ARPP19: variants seen among roughly 807,000 people sequenced by gnomAD.
The protein encoded by ARPP19 is cAMP regulated phosphoprotein 19, also known as cAMP-regulated phosphoprotein 19.
In ARPP19, 8 loss-of-function variants were observed where a neutral mutation model predicts 12.0. That is an observed-to-expected ratio of 0.67 (90% CI 0.39 to 1.21). The LOEUF (loss-of-function observed/expected upper bound fraction) is 1.21. Among genes scored for constraint, ARPP19 ranks in the 50% most tolerant of loss-of-function variants. ARPP19 has a pLI of 0.01. For synonymous variants in ARPP19, 47 were observed against 50.4 expected (o/e 0.93, Z 0.29); for missense variants, 102 against 136.3 (o/e 0.75, Z 1.25).
Position 52,550,279 on chromosome 15 carries a change from G to T in ARPP19, c.*1655C>A, listed in dbSNP as rs2077916917. On this transcript the variant is annotated 3_prime_UTR_variant, in exon 3 of 3. Transcript: ENST00000249822. Reference sequence around the variant, plus strand: ...ATAAGCCACAAGTAAAACTAAATTGGTATTTTACTAAAGTGACATCTACAG... The same window carrying T: ...ATAAGCCACAAGTAAAACTAAATTGTTATTTTACTAAAGTGACATCTACAG... 1 of 152,090 alleles carries T rather than the reference G, an allele frequency of 6.6e-6. No individual in the cohort carries two copies. The highest frequency in any genetic ancestry group is 2.4e-5 in the African/African-American group (1 of 41,396). 9.4% of individuals were successfully genotyped at this position (152,090 alleles called of 1,614,324 possible).
intron 2 of ARPP19, among the ~76,000 whole-genome samples, chr15:52,553,327 T>C (rs1348221434): frequency 6.6e-6 from 1 of 152,178 alleles, no homozygotes. Context: ...CAGAGAGACA[T>C]GAAGTATGAC....
chr15:52,569,404 C>G (rs1378757867), upstream of ARPP19, among the ~76,000 whole-genome samples: 2 of 152,226 alleles, frequency 1.3e-5, no homozygotes, highest in Non-Finnish European at 2.9e-5. Flanking sequence ...AAGTCTTGCT[C>G]CACTCTGCCA....
intron 2 of ARPP19, among the ~76,000 whole-genome samples, chr15:52,552,887 G>T (rs1006281369): frequency 3.3e-5 from 5 of 152,110 alleles, no homozygotes; most frequent in African/African-American, 1.2e-4. Context: ...AACCAGAACG[G>T]CCAATATGGT....
At chr15:52,562,669 C>T (rs2078045172) in intron 1 of ARPP19, among the ~76,000 whole-genome samples, 2 of 151,930 alleles carry the variant, frequency 1.3e-5, no homozygotes, top group Non-Finnish European at 1.5e-5. Context: ...CATACCAAAA[C>T]TTGTCAGGTA....
chr15:52,551,574 T>C lies in ARPP19; in HGVS notation c.*360A>G, dbSNP rs2077931518. The C allele has an allele frequency of 6.0e-6, 1 of 165,970 alleles. No individual in the cohort carries two copies. The highest frequency in any genetic ancestry group is 1.3e-5 in the Non-Finnish European group (1 of 76,832). The allele number at this position is 165,970 out of a possible 1,614,324, so 10.3% of individuals were successfully genotyped here. A position where few individuals can be genotyped will look rare whatever the true frequency, so the allele number is the denominator to read the frequency against. ...AGAAATCAATACAATAGAGATTATA[T>C]TAAATAAGAGTAACATACAAAGCTA... On this transcript the variant is annotated 3_prime_UTR_variant, in exon 3 of 3. Coordinates refer to ENST00000249822, the MANE Select transcript of ARPP19 (RefSeq NM_006628.6).
intron 2 of ARPP19, among the ~76,000 whole-genome samples, chr15:52,555,835 T>C (rs2140234954): frequency 6.6e-6 from 1 of 152,134 alleles, no homozygotes; most frequent in East Asian, 1.9e-4. Flanking sequence ...GTAATTTGCA[T>C]TTCACTGATG....
chr15:52,561,633 G>C (rs2078033087), intron 1 of ARPP19, among the ~76,000 whole-genome samples: 1 of 151,956 alleles, frequency 6.6e-6, no homozygotes, highest in African/African-American at 2.4e-5. Context: ...GAGTGTTGGG[G>C]AGAGCAAGAA....
At chr15:52,567,601 A>AT (rs1435937620) in intron 1 of ARPP19, among the ~76,000 whole-genome samples, 4 of 152,140 alleles carry the variant, frequency 2.6e-5, no homozygotes, top group African/African-American at 9.7e-5. Context: ...TAATATTTGT[A>AT]TTTTTGCCCC....
At chr15:52,565,209 G>T (rs575081225) in intron 1 of ARPP19, among the ~76,000 whole-genome samples, 1 of 151,762 alleles carries the variant, frequency 6.6e-6, no homozygotes, top group Non-Finnish European at 1.5e-5. Context: ...TATTATTTTA[G>T]AGACGGGGTT....
At chr15:52,565,449 T>C (rs971082797) in intron 1 of ARPP19, among the ~76,000 whole-genome samples, 1 of 152,252 alleles carries the variant, frequency 6.6e-6, no homozygotes, top group African/African-American at 2.4e-5. Flanking sequence ...TTGTTTTCAC[T>C]TCAGTGGTTA....
At chr15:52,555,161 T>A (rs955624232) in intron 2 of ARPP19, among the ~76,000 whole-genome samples, 2 of 152,066 alleles carry the variant, frequency 1.3e-5, no homozygotes, top group African/African-American at 4.8e-5. Context: ...ATTTCTTGAT[T>A]CAGTAGCATT....
intron 1 of ARPP19, among the ~76,000 whole-genome samples, chr15:52,559,417 A>G (rs1390872844): frequency 6.6e-6 from 1 of 152,202 alleles, no homozygotes; most frequent in African/African-American, 2.4e-5. Context: ...CCCGTACAAT[A>G]CAAGCCTATT....
At chr15:52,569,169 A>C, upstream of ARPP19, 2 of 454,118 alleles carry the variant, frequency 4.4e-6, no homozygotes, top group Non-Finnish European at 3.9e-6. Context: ...TTTTCCTTCA[A>C]AGGTCGCCGC....
chr15:52,565,433 A>G (rs751433668), intron 1 of ARPP19, among the ~76,000 whole-genome samples: 4 of 152,130 alleles, frequency 2.6e-5, no homozygotes, highest in Non-Finnish European at 5.9e-5. Context: ...AAAACTTTTA[A>G]ATGTTTTGTT....
At chr15:52,559,466 T>C (rs1303458174) in intron 1 of ARPP19, among the ~76,000 whole-genome samples, 2 of 152,212 alleles carry the variant, frequency 1.3e-5, no homozygotes, top group Non-Finnish European at 1.5e-5. Context: ...ACCCTAGCCA[T>C]CTAGCCATCT....
Position 52,568,942 on chromosome 15 carries a change from G to A in ARPP19, c.-50C>T, listed in dbSNP as rs772098288. On this transcript the variant is annotated 5_prime_UTR_variant, in exon 1 of 3. Transcript: ENST00000249822. Reference sequence around the variant, plus strand: ...CCGGGAAAAGATGCAATTAGCGGGTGGCCGAGGCCACCCGGCCGCCGCCCG... The same window carrying A: ...CCGGGAAAAGATGCAATTAGCGGGTAGCCGAGGCCACCCGGCCGCCGCCCG... 7.1e-7 allele frequency: 1 copy of A among 1,405,112 alleles called. No homozygotes were observed. Among genetic ancestry groups the A allele is most frequent in the South Asian group, 1.2e-5 (1 of 80,902 alleles). 87.0% of individuals were successfully genotyped at this position (1,405,112 alleles called of 1,614,324 possible). A position where few individuals can be genotyped will look rare whatever the true frequency, so the allele number is the denominator to read the frequency against.
rs1304977378 is a variant in ARPP19 at position 52,549,423 on chromosome 15, T to TACAAATCCTTA, written c.*2510_*2511insTAAGGATTTGT. 1 of 152,576 alleles carries TACAAATCCTTA rather than the reference T, an allele frequency of 6.6e-6. No individual in the cohort carries two copies. Among genetic ancestry groups the TACAAATCCTTA allele is most frequent in the African/African-American group, 2.4e-5 (1 of 41,448 alleles). The allele number at this position is 152,576 out of a possible 1,614,324, so 9.5% of individuals were successfully genotyped here. On this transcript the variant is annotated 3_prime_UTR_variant, in exon 3 of 3. Coordinates refer to ENST00000249822, the MANE Select transcript of ARPP19 (RefSeq NM_006628.6). ...ACCAATAATGGAGGCTAAGCAATTATACCTACAAATCCTTAACGACAGGTC... is the reference window on the plus strand; with the variant it reads ...ACCAATAATGGAGGCTAAGCAATTATACAAATCCTTAACCTACAAATCCTTAACGACAGGTC...
In ARPP19 at chr15:52,553,887, G is replaced by C. The variant is rs958830214; in HGVS notation, c.169-1783C>G. On this transcript the variant is annotated intron_variant, in intron 2 of 2. Transcript: ENST00000249822. ...AGCCAGACCTGGTCTATGGCCCAAAGGCCTAAAGACAGAAACTGCTTTAAT... is the reference window on the plus strand; with the variant it reads ...AGCCAGACCTGGTCTATGGCCCAAACGCCTAAAGACAGAAACTGCTTTAAT... Among the ~76,000 whole-genome samples, 11 of 152,308 alleles carry C rather than the reference G, an allele frequency of 7.2e-5. No homozygotes were observed. The South Asian group carries it at 2.3e-3, about 32-fold the overall frequency.
At position 52,551,015 on chromosome 15, in the gene ARPP19, T is replaced by C. The variant is rs1336901620; in HGVS notation, c.*919A>G. 1 of 152,686 alleles carries C rather than the reference T, an allele frequency of 6.5e-6. No homozygotes were observed. The highest frequency in any genetic ancestry group is 1.5e-5 in the Non-Finnish European group (1 of 68,048). 9.5% of individuals were successfully genotyped at this position (152,686 alleles called of 1,614,324 possible). ...TAGTAACAAATGAAAAGCTTAAGTC[T>C]ATGGCAGATTGAACTAAGATTTCAG... On this transcript the variant is annotated 3_prime_UTR_variant, in exon 3 of 3. Transcript: ENST00000249822.
Sources: gnomAD v4.1 joint callset for allele counts (sites outside exome capture counted in the v4.1 genomes callset) on GRCh38, gnomAD v4.1.1 for gene constraint, MANE v1.5 for transcripts, NCBI Gene and HGNC (gene_info 2026-07-23, HGNC 2026-07-21) for gene names.